Variants in RASGRF1 observed in about 807,000 individuals in gnomAD.
RASGRF1 encodes ras-specific guanine nucleotide-releasing factor 1.
Under a neutral mutation model 138.7 loss-of-function variants are expected in RASGRF1, and 40 were observed. That is an observed-to-expected ratio of 0.29 (90% CI 0.22 to 0.38). RASGRF1 has a LOEUF of 0.38. Ranked by LOEUF, RASGRF1 falls within the 10% of genes least tolerant of loss-of-function variation. The probability of loss-of-function intolerance (pLI) is 1.00; values close to 1 mark genes in which losing one functional copy is unlikely to be tolerated. For missense variants in RASGRF1, 1,108 were observed against 1,650.4 expected, an observed-to-expected ratio of 0.67 and a Z score of 5.69; for synonymous variants, 614 against 663.2, an observed-to-expected ratio of 0.93 and a Z score of 1.14.
intron 2 of RASGRF1, among the ~76,000 whole-genome samples, chr15:79,061,080 GCA>G (rs1360629012): frequency 6.6e-6 from 1 of 152,182 alleles, no homozygotes; most frequent in Non-Finnish European, 1.5e-5. Context: ...AGGCCATGTG[GCA>G]AGGAGTATGC....
intron 1 of RASGRF1, among the ~76,000 whole-genome samples, chr15:79,068,822 C>T (rs1458471173): frequency 6.6e-6 from 1 of 151,970 alleles, no homozygotes; most frequent in South Asian, 2.1e-4. Flanking sequence ...GGTGTGTGGC[C>T]TAAGTGTGGT....
chr15:79,071,364 CTT>C (rs71451741), intron 1 of RASGRF1, among the ~76,000 whole-genome samples: 12 of 141,910 alleles, frequency 8.5e-5, no homozygotes, highest in Admixed American at 7.1e-5. Flanking sequence ...TTTCTTTTTT[CTT>C]TTTTTTTTTT....
In RASGRF1 at chr15:79,029,355, G is replaced by A. The variant is rs540440942; in HGVS notation, c.1263-1496C>T. ...GGTAATTAAAACCACTTCTCTTGAT[G>A]AGGGTGGGGTTTTGCGGGGGAAGCC... On this transcript the variant is annotated intron_variant, in intron 8 of 26. Transcript: ENST00000558480. Among the ~76,000 whole-genome samples, 36 of 152,310 alleles carry A rather than the reference G, an allele frequency of 2.4e-4. 1 individual carries two copies. The South Asian group carries it at 7.5e-3, about 32-fold the overall frequency.
intron 1 of RASGRF1, 142 bp downstream of exon 1, chr15:79,090,081 C>T (rs1384008070): frequency 1.5e-5 from 18 of 1,228,294 alleles, no homozygotes; most frequent in Admixed American, 1.2e-4. Flanking sequence ...GCAAGCCTCC[C>T]CTCTCGCTGA....
intron 23 of RASGRF1, among the ~76,000 whole-genome samples, chr15:78,983,716 C>T (rs1317557403): frequency 6.6e-6 from 1 of 152,264 alleles, no homozygotes; most frequent in Non-Finnish European, 1.5e-5. Context: ...CCTTGCTCAA[C>T]ACTTGCCTCC....
intron 16 of RASGRF1, 57 bp from the exon 17 acceptor site, chr15:78,999,970 T>C: frequency 6.4e-7 from 1 of 1,568,044 alleles, no homozygotes; most frequent in South Asian, 1.1e-5. Flanking sequence ...CCTCAGGCTG[T>C]TAGAAAACCA....
chr15:79,009,818 G>A lies in RASGRF1; in HGVS notation c.1827-3384C>T, dbSNP rs374271070. On this transcript the variant is annotated intron_variant, in intron 13 of 26. Transcript: ENST00000558480. ...TGGCTCACTGCAACCTCCGCCTCCC[G>A]GGTTCAAGTGATTCTCCTGCCTCAG... Among the ~76,000 whole-genome samples the A allele has an allele frequency of 1.1e-4, 16 of 151,792 alleles. No homozygotes were observed. The East Asian group carries it at 2.5e-3, about 24-fold the overall frequency.
rs185219578 is a variant in RASGRF1, at chr15:79,028,259, A to G, written c.1263-400T>C. ...TCATGACCCTGACCCTCATCCTTCTACCAGCCTTATTCCCATCCCAAGAGC... is the reference window on the plus strand; with the variant it reads ...TCATGACCCTGACCCTCATCCTTCTGCCAGCCTTATTCCCATCCCAAGAGC... On this transcript the variant is annotated intron_variant, in intron 8 of 26. Coordinates refer to ENST00000558480, the MANE Select transcript of RASGRF1 (RefSeq NM_001145648.3). Among the ~76,000 whole-genome samples, 311 of 152,248 alleles carry G rather than the reference A, an allele frequency of 2.0e-3. 1 individual carries two copies. The highest frequency in any genetic ancestry group is 7.1e-3 in the African/African-American group (297 of 41,540).
chr15:79,014,380 A>G (rs1346296082), intron 13 of RASGRF1, among the ~76,000 whole-genome samples: 1 of 152,276 alleles, frequency 6.6e-6, no homozygotes, highest in Non-Finnish European at 1.5e-5. Flanking sequence ...AAATTGTGTT[A>G]TATTTATATG....
At chr15:79,076,300 G>C (rs997664237) in intron 1 of RASGRF1, among the ~76,000 whole-genome samples, 2 of 152,096 alleles carry the variant, frequency 1.3e-5, no homozygotes, top group African/African-American at 4.8e-5. Flanking sequence ...GGTGGGGAGG[G>C]GAGGGGAGGG....
intron 14 of RASGRF1, chr15:79,005,573 G>C (rs778036538): frequency 4.5e-5 from 44 of 986,268 alleles, no homozygotes; most frequent in Middle Eastern, 5.2e-4. Context: ...CCTTGGCCAA[G>C]TCCTTCATTG....
At chr15:79,019,068 CGTGT>C (rs147205114) in intron 11 of RASGRF1, among the ~76,000 whole-genome samples, 2 of 151,234 alleles carry the variant, frequency 1.3e-5, no homozygotes, top group Non-Finnish European at 3.0e-5. Flanking sequence ...TGCATGAGGG[CGTGT>C]GTGTGTGTGT....
chr15:79,037,921 G>A (rs184351853), intron 5 of RASGRF1, among the ~76,000 whole-genome samples: 2 of 151,942 alleles, frequency 1.3e-5, no homozygotes, highest in East Asian at 3.8e-4. Context: ...ATTGTCATAA[G>A]GAGCACGCAA....
intron 1 of RASGRF1, among the ~76,000 whole-genome samples, chr15:79,069,460 T>C (rs2057725726): frequency 6.6e-6 from 1 of 152,166 alleles, no homozygotes; most frequent in Non-Finnish European, 1.5e-5. Context: ...TTTGTCCCAA[T>C]GTAGACTCAC....
chr15:79,029,369 G>C (rs564757049), intron 8 of RASGRF1, among the ~76,000 whole-genome samples: 41 of 152,302 alleles, frequency 2.7e-4, no homozygotes, highest in Non-Finnish European at 5.6e-4. Flanking sequence ...GTGGGGTTTT[G>C]CGGGGGAAGC....
At chr15:79,007,029 C>A (rs2056690743) in intron 13 of RASGRF1, among the ~76,000 whole-genome samples, 1 of 152,168 alleles carries the variant, frequency 6.6e-6, no homozygotes, top group South Asian at 2.1e-4. Flanking sequence ...AATATGTGTA[C>A]ATGAATGTTC....
intron 10 of RASGRF1, among the ~76,000 whole-genome samples, chr15:79,022,268 C>T (rs977680777): frequency 6.6e-6 from 1 of 152,026 alleles, no homozygotes; most frequent in Non-Finnish European, 1.5e-5. Context: ...GGTGAAACCC[C>T]GTCTCTACTA....
chr15:79,024,246 TCCA>T (rs1397444704), intron 10 of RASGRF1, among the ~76,000 whole-genome samples: 1 of 150,582 alleles, frequency 6.6e-6, no homozygotes, highest in South Asian at 2.1e-4. Flanking sequence ...CACACACATA[TCCA>T]CCACACCTGT....
At chr15:79,087,762 A>C (rs1217845790) in intron 1 of RASGRF1, among the ~76,000 whole-genome samples, 1 of 152,258 alleles carries the variant, frequency 6.6e-6, no homozygotes. Context: ...ATTTTTGTAC[A>C]CATGTGTAGC....
Sources: allele counts gnomAD v4.1 joint callset (sites outside exome capture counted in the v4.1 genomes callset), GRCh38; gene constraint gnomAD v4.1.1; transcripts MANE v1.5; gene names NCBI Gene and HGNC (gene_info 2026-07-23, HGNC 2026-07-21).